The following SKI variants were observed in gnomAD, a reference collection of about 807,000 sequenced individuals.
The protein encoded by SKI is SKI proto-oncogene, also known as ski oncogene.
Under a neutral mutation model 59.3 loss-of-function variants are expected in SKI, and 23 were observed. The observed-to-expected ratio is 0.39, with a 90% CI of 0.28 to 0.55. The LOEUF (loss-of-function observed/expected upper bound fraction) is 0.55. SKI is among the 20% of genes least tolerant of loss of function. The pLI, the probability that SKI is intolerant of heterozygous loss-of-function variation, is 0.67. For synonymous variants in SKI, 673 were observed against 488.6 expected, an observed-to-expected ratio of 1.38 and a Z score of -4.98; for missense variants, 1,017 against 1,038.9, an observed-to-expected ratio of 0.98 and a Z score of 0.29.
At chr1:2,293,427 G>A (rs372644761) in intron 1 of SKI, among the ~76,000 whole-genome samples, 1 of 142,688 alleles carries the variant, frequency 7.0e-6, no homozygotes. Flanking sequence ...CCAGGGCGAG[G>A]CCCCCCCCCA....
chr1:2,245,573 T>G (rs1250334760), intron 1 of SKI, among the ~76,000 whole-genome samples: 1 of 151,360 alleles, frequency 6.6e-6, no homozygotes, highest in Non-Finnish European at 1.5e-5. Flanking sequence ...CCTCCTGGGC[T>G]CAAGCGATTC....
intron 1 of SKI, among the ~76,000 whole-genome samples, chr1:2,265,407 A>G (rs1026567258): frequency 6.6e-6 from 1 of 151,966 alleles, no homozygotes; most frequent in Non-Finnish European, 1.5e-5. Context: ...TGTCTCCTCC[A>G]CGGTTAATCC....
At chr1:2,247,405 T>C (rs999364756) in intron 1 of SKI, among the ~76,000 whole-genome samples, 10 of 152,290 alleles carry the variant, frequency 6.6e-5, no homozygotes, top group African/African-American at 1.9e-4. Context: ...TCTCCCTCCT[T>C]TCTTCTGGCT....
chr1:2,269,887 G>A lies in SKI; in HGVS notation c.970-33091G>A, dbSNP rs1310506608. On this transcript the variant is annotated intron_variant, in intron 1 of 6. Transcript: ENST00000378536. This position sits in a 1 kb window ranked among gnomAD's most constrained non-coding sequence, Gnocchi z 4.7. The stretch of plus-strand genomic sequence containing the variant: ...GGCTGGCGTGGGTCTGGCGGGTCTC[G>A]TGGTGCCTGTGGCTGGCGTGGGTCT... 1.7e-5 allele frequency among the ~76,000 whole-genome samples: 2 copies of A among 120,856 alleles called. No homozygotes were observed. Among genetic ancestry groups the A allele is most frequent in the East Asian group, 2.5e-4 (1 of 3,998 alleles). 79.3% of individuals were successfully genotyped at this position (120,856 alleles called of 152,430 possible).
intron 1 of SKI, among the ~76,000 whole-genome samples, chr1:2,300,652 TTTACACG>T (rs1640401715): frequency 6.6e-6 from 1 of 152,180 alleles, no homozygotes; most frequent in African/African-American, 2.4e-5. Context: ...CACCTTCTAT[TTTACACG>T]TTTCTCTCCG....
At chr1:2,242,712 A>C (rs1638905776) in intron 1 of SKI, among the ~76,000 whole-genome samples, 1 of 151,596 alleles carries the variant, frequency 6.6e-6, no homozygotes, top group Non-Finnish European at 1.5e-5. Flanking sequence ...TAGAGATGTG[A>C]TCTCCGTTTG....
At chr1:2,295,830 A>G (rs968729940) in intron 1 of SKI, among the ~76,000 whole-genome samples, 8 of 152,158 alleles carry the variant, frequency 5.3e-5, no homozygotes, top group Admixed American at 2.6e-4. Context: ...ACAGACCACA[A>G]TCTATCCCGT....
intron 1 of SKI, among the ~76,000 whole-genome samples, chr1:2,257,329 G>A (rs1236427892): frequency 1.3e-5 from 2 of 152,250 alleles, no homozygotes; most frequent in East Asian, 1.9e-4. Flanking sequence ...CAAGGCTGAC[G>A]TGCCAATGGC....
At chr1:2,259,433 ATGCCACCAGTT>A (rs1639337306) in intron 1 of SKI, among the ~76,000 whole-genome samples, 1 of 152,234 alleles carries the variant, frequency 6.6e-6, no homozygotes, top group Non-Finnish European at 1.5e-5. Flanking sequence ...TGGTGGTTTC[ATGCCACCAGTT>A]TACCTTTGTC....
At chr1:2,252,679 C>A (rs1208588803) in intron 1 of SKI, among the ~76,000 whole-genome samples, 1 of 152,158 alleles carries the variant, frequency 6.6e-6, no homozygotes, top group African/African-American at 2.4e-5. Flanking sequence ...TCACAGCTGT[C>A]CCCAAACGCG....
intron 1 of SKI, among the ~76,000 whole-genome samples, chr1:2,260,542 T>TTTTTTTTATTTTA (rs1557825864): frequency 2.4e-5 from 3 of 123,230 alleles, no homozygotes; most frequent in Admixed American, 8.2e-5. Context: ...TTTCTTTTTT[T>TTTTTTTTATTTTA]TTTTTTTTTT....
intron 1 of SKI, chr1:2,240,795 G>A (rs897510754): frequency 1.3e-5 from 13 of 985,334 alleles, no homozygotes; most frequent in Non-Finnish European, 1.4e-5. Context: ...TGAGTCAGGT[G>A]AGAGGCGCGA....
chr1:2,305,425 G>T (rs1439265330), intron 5 of SKI, among the ~76,000 whole-genome samples: 1 of 152,118 alleles, frequency 6.6e-6, no homozygotes, highest in Non-Finnish European at 1.5e-5. Context: ...CAGGGTTGCC[G>T]ACGTGCCCTC....
Position 2,269,885 on chromosome 1 carries a change from TC to T in SKI, c.970-33092del. Among the ~76,000 whole-genome samples, 1 of 126,826 alleles carries T rather than the reference TC, an allele frequency of 7.9e-6. No individual in the cohort carries two copies. The highest frequency in any genetic ancestry group is 3.1e-5 in the African/African-American group (1 of 32,168). 83.2% of individuals were successfully genotyped at this position (126,826 alleles called of 152,430 possible). On this transcript the variant is annotated intron_variant, in intron 1 of 6. Transcript: ENST00000378536. This position sits in a 1 kb window ranked among gnomAD's most constrained non-coding sequence, Gnocchi z 4.7. ...GTGGCTGGCGTGGGTCTGGCGGGTC[TC>T]GTGGTGCCTGTGGCTGGCGTGGGTC... is the stretch of plus-strand genomic sequence containing the variant.
At chr1:2,277,745 A>C (rs998833753) in intron 1 of SKI, among the ~76,000 whole-genome samples, 1 of 150,276 alleles carries the variant, frequency 6.7e-6, no homozygotes, top group Non-Finnish European at 1.5e-5. Context: ...ACCTGCACTC[A>C]CACATTCATC....
intron 1 of SKI, among the ~76,000 whole-genome samples, chr1:2,287,101 A>G (rs866003410): frequency 8.5e-5 from 13 of 152,114 alleles, no homozygotes; most frequent in Admixed American, 3.9e-4. Flanking sequence ...CACAGCAGCC[A>G]GCTCTGGGCG....
intron 1 of SKI, among the ~76,000 whole-genome samples, chr1:2,302,271 C>T (rs567396476): frequency 2.0e-5 from 3 of 152,334 alleles, no homozygotes; most frequent in Admixed American, 6.5e-5. Context: ...CGCTAAGCTT[C>T]CTCCAGCACC....
At chr1:2,240,502 C>T (rs1171383620) in intron 1 of SKI, 9 of 985,358 alleles carry the variant, frequency 9.1e-6, no homozygotes, top group South Asian at 4.7e-5. Flanking sequence ...TGGGTGGTGG[C>T]GGGTGGTGGC....
At chr1:2,304,238 T>C in intron 4 of SKI, 55 bp from the exon 5 acceptor site, 4 of 1,552,842 alleles carry the variant, frequency 2.6e-6, no homozygotes, top group Non-Finnish European at 3.5e-6. Context: ...GTCTCCCTGG[T>C]GTGGAGCTGC....
Sources: allele counts gnomAD v4.1 joint callset (sites outside exome capture counted in the v4.1 genomes callset), GRCh38; gene constraint gnomAD v4.1.1; non-coding constraint Gnocchi (gnomAD v3.1); transcripts MANE v1.5; gene names NCBI Gene and HGNC (gene_info 2026-07-23, HGNC 2026-07-21).